SLC1A2: variants seen among roughly 807,000 people sequenced by gnomAD.
The protein encoded by SLC1A2 is solute carrier family 1 member 2, also known as excitatory amino acid transporter 2.
SLC1A2 carries 15 observed loss-of-function variants against 48.8 expected under a neutral mutation model. The ratio of observed to expected loss-of-function variants is 0.31; its 90% CI spans 0.21 to 0.47. The LOEUF (loss-of-function observed/expected upper bound fraction) is 0.47, where lower values mean the gene tolerates loss of function less well. SLC1A2 is among the 20% of genes least tolerant of loss of function. The pLI, the probability that SLC1A2 is intolerant of heterozygous loss-of-function variation, is 0.99. For missense variants in SLC1A2, 502 were observed against 730.5 expected, an observed-to-expected ratio of 0.69 and a Z score of 3.61; for synonymous variants, 279 against 272.6, an observed-to-expected ratio of 1.02 and a Z score of -0.23.
chr11:35,410,513 C>T (rs146559881), intron 1 of SLC1A2, among the ~76,000 whole-genome samples: 1 of 152,276 alleles, frequency 6.6e-6, no homozygotes, highest in African/African-American at 2.4e-5. Context: ...ATCTTTCTAA[C>T]ATTTGAATTT....
At chr11:35,305,738 A>G (rs16927296) in intron 5 of SLC1A2, among the ~76,000 whole-genome samples, 3,435 of 152,224 alleles carry the variant, frequency 0.023, 57 homozygotes, top group Non-Finnish European at 0.036. Flanking sequence ...TAAGAAACGA[A>G]AGCAATGGAT....
chr11:35,372,093 A>G (rs1398834039), intron 1 of SLC1A2, among the ~76,000 whole-genome samples: 1 of 152,214 alleles, frequency 6.6e-6, no homozygotes, highest in African/African-American at 2.4e-5. Context: ...AATGTAGGAC[A>G]GAAGGGAGTA....
chr11:35,298,146 A>G (rs1851229979), intron 6 of SLC1A2: 1 of 152,190 alleles, frequency 6.6e-6, no homozygotes, highest in African/African-American at 2.4e-5. Context: ...GTTCAGTACT[A>G]TTGTGAAGAA....
chr11:35,360,031 A>G (rs920098592), intron 1 of SLC1A2: 2 of 973,786 alleles, frequency 2.1e-6, no homozygotes, highest in Admixed American at 6.2e-5. Context: ...TAACCCATCC[A>G]AGATTTCTGA....
intron 1 of SLC1A2, among the ~76,000 whole-genome samples, chr11:35,405,202 A>G (rs189074231): frequency 5.6e-4 from 86 of 152,338 alleles, no homozygotes; most frequent in Admixed American, 1.1e-3. Flanking sequence ...TTCAGGAAAT[A>G]TAAGAATAGC....
At chr11:35,271,262 C>A (rs1850272094) in intron 9 of SLC1A2, among the ~76,000 whole-genome samples, 1 of 152,104 alleles carries the variant, frequency 6.6e-6, no homozygotes, top group African/African-American at 2.4e-5. Context: ...TGAGCAGATG[C>A]CCCACAGATG....
intron 4 of SLC1A2, among the ~76,000 whole-genome samples, chr11:35,309,249 T>C (rs1851612210): frequency 6.6e-6 from 1 of 152,104 alleles, no homozygotes; most frequent in African/African-American, 2.4e-5. Context: ...TCCCTCCCCT[T>C]TAATGTAAGT....
At chr11:35,297,845 C>A (rs1851218980) in intron 6 of SLC1A2, 1 of 152,146 alleles carries the variant, frequency 6.6e-6, no homozygotes, top group Non-Finnish European at 1.5e-5. Flanking sequence ...CAGTTCCCAG[C>A]ACAAAGAAGG....
At chr11:35,298,708 G>C (rs1464348612) in intron 6 of SLC1A2, 1 of 152,182 alleles carries the variant, frequency 6.6e-6, no homozygotes, top group Non-Finnish European at 1.5e-5. Flanking sequence ...TCTGGTTTCA[G>C]TGAATGGGAA....
rs1293429544 is a variant in SLC1A2 at position 35,418,848 on chromosome 11, G to C, written c.17+102C>G. 7 of 1,081,222 alleles carry C rather than the reference G, an allele frequency of 6.5e-6. No homozygotes were observed. The East Asian group carries it at 8.0e-5, about 12-fold the overall frequency. 67.0% of individuals were successfully genotyped at this position (1,081,222 alleles called of 1,614,324 possible). ...AAGCTACGGCTCCGCCACCACCTCCGAGGCCCGCCGCCGCCGCCTCTCTAT... is the reference window on the plus strand; with the variant it reads ...AAGCTACGGCTCCGCCACCACCTCCCAGGCCCGCCGCCGCCGCCTCTCTAT... On this transcript the variant is annotated intron_variant, in intron 1 of 10. Transcript: ENST00000278379.
intron 1 of SLC1A2, among the ~76,000 whole-genome samples, chr11:35,405,486 T>C (rs1268670914): frequency 6.6e-6 from 1 of 152,242 alleles, no homozygotes; most frequent in East Asian, 1.9e-4. Flanking sequence ...CTTCTTTGTA[T>C]CTGAATATCA....
chr11:35,266,603 T>A (rs1487871538), intron 9 of SLC1A2, among the ~76,000 whole-genome samples: 1 of 152,208 alleles, frequency 6.6e-6, no homozygotes, highest in African/African-American at 2.4e-5. Context: ...TTTTCTCCTC[T>A]CATCCATAAG....
In SLC1A2 at chr11:35,260,770, A is replaced by G; in HGVS notation, c.*124T>C. ...ACAAGAGCTCCTCTAAGCCTCGGCT[A>G]ACAGATTAAGTAAACATAGAAATAT... is the stretch of plus-strand genomic sequence containing the variant. On this transcript the variant is annotated 3_prime_UTR_variant, in exon 11 of 11. Coordinates refer to ENST00000278379, the MANE Select transcript of SLC1A2 (RefSeq NM_004171.4). 1.4e-6 allele frequency: 1 copy of G among 737,620 alleles called. No individual in the cohort carries two copies. The highest frequency in any genetic ancestry group is 2.4e-6 in the Non-Finnish European group (1 of 425,194). The allele number at this position is 737,620 out of a possible 1,614,324, so 45.7% of individuals were successfully genotyped here. A position where few individuals can be genotyped will look rare whatever the true frequency, so the allele number is the denominator to read the frequency against.
intron 1 of SLC1A2, among the ~76,000 whole-genome samples, chr11:35,336,801 AGCAACTCATG>A (rs1323874180): frequency 2.0e-5 from 3 of 152,196 alleles, no homozygotes; most frequent in Non-Finnish European, 4.4e-5. Context: ...AGCCGGGGTC[AGCAACTCATG>A]GCTTTCCATA....
At chr11:35,287,075 A>T in intron 7 of SLC1A2, 124 bp from the exon 8 acceptor site, 1 of 762,282 alleles carries the variant, frequency 1.3e-6, no homozygotes, top group East Asian at 2.5e-5. Context: ...GCAATGTGAC[A>T]TGCAAAAAAG....
intron 1 of SLC1A2, among the ~76,000 whole-genome samples, chr11:35,357,861 G>T (rs7114489): frequency 0.1 from 15,228 of 152,090 alleles, 918 homozygotes; most frequent in Middle Eastern, 0.15. Flanking sequence ...AAAAAGGGGG[G>T]AAAGGCAGTG....
At chr11:35,384,151 A>G (rs1336587937) in intron 1 of SLC1A2, among the ~76,000 whole-genome samples, 3 of 152,230 alleles carry the variant, frequency 2.0e-5, no homozygotes, top group Non-Finnish European at 2.9e-5. Context: ...CTAAGTATAG[A>G]TATCTCATGG....
chr11:35,337,589 T>A (rs774562683), intron 1 of SLC1A2, among the ~76,000 whole-genome samples: 1 of 152,162 alleles, frequency 6.6e-6, no homozygotes, highest in Non-Finnish European at 1.5e-5. Flanking sequence ...ATGTACTAGA[T>A]GTACCATGGT....
At chr11:35,391,761 C>T (rs1854776418) in intron 1 of SLC1A2, among the ~76,000 whole-genome samples, 1 of 152,194 alleles carries the variant, frequency 6.6e-6, no homozygotes, top group South Asian at 2.1e-4. Flanking sequence ...AAAATTTAAG[C>T]ATCTTAAGTC....
Sources: allele counts gnomAD v4.1 joint callset (sites outside exome capture counted in the v4.1 genomes callset), GRCh38; gene constraint gnomAD v4.1.1; transcripts MANE v1.5; gene names NCBI Gene and HGNC (gene_info 2026-07-23, HGNC 2026-07-21).